The following PDE10A variants were observed in gnomAD, a reference collection of about 807,000 sequenced individuals.
PDE10A encodes cAMP and cAMP-inhibited cGMP 3',5'-cyclic phosphodiesterase 10A.
A neutral mutation model predicts 97.7 loss-of-function variants in PDE10A; 39 were observed. The ratio of observed to expected loss-of-function variants is 0.40; its 90% CI spans 0.31 to 0.52. PDE10A has a LOEUF of 0.52. Ranked by LOEUF, PDE10A falls within the 20% of genes least tolerant of loss-of-function variation. PDE10A has a pLI of 0.56. For synonymous variants in PDE10A, 371 were observed against 376.8 expected (o/e 0.98, Z 0.18); for missense variants, 731 against 1,047.8 (o/e 0.70, Z 4.17).
At chr6:165,650,398 A>G (rs1789619841) in intron 1 of PDE10A, among the ~76,000 whole-genome samples, 1 of 152,154 alleles carries the variant, frequency 6.6e-6, no homozygotes, top group East Asian at 1.9e-4. Flanking sequence ...CCGCCCAGCA[A>G]GTGTTACATA....
At chr6:165,336,325 A>G (rs1781644863) in intron 20 of PDE10A, 114 bp from the exon 21 acceptor site, 1 of 717,528 alleles carries the variant, frequency 1.4e-6, no homozygotes, top group African/African-American at 1.8e-5. Context: ...ATAAAATTGC[A>G]TGTTCTAGTT....
chr6:165,920,476 T>C (rs1782723460), intron 1 of PDE10A, among the ~76,000 whole-genome samples: 1 of 152,084 alleles, frequency 6.6e-6, no homozygotes, highest in South Asian at 2.1e-4. Flanking sequence ...AATGAGACCA[T>C]TGGTCTTATA....
intron 1 of PDE10A, among the ~76,000 whole-genome samples, chr6:165,669,359 C>T (rs1460085672): frequency 2.6e-5 from 4 of 152,068 alleles, no homozygotes; most frequent in African/African-American, 9.7e-5. Flanking sequence ...TTATTTGGCT[C>T]AGAAATTGGG....
In PDE10A at chr6:165,432,225, CAGA is replaced by C. The variant is rs199588143; in HGVS notation, c.1491+746_1491+748del. Among the ~76,000 whole-genome samples, 47 of 152,146 alleles carry C rather than the reference CAGA, an allele frequency of 3.1e-4. No homozygotes were observed. The East Asian group carries it at 7.5e-3, about 24-fold the overall frequency. ...AGTGACAGGTGCTATAGAGAAAAAG[CAGA>C]AGAAGAGAGAAAGAAACATTGGATA... On this transcript the variant is annotated intron_variant, in intron 7 of 21. Coordinates refer to ENST00000539869, the MANE Select transcript of PDE10A (RefSeq NM_001385079.1).
chr6:165,677,673 G>A (rs1053036590), intron 1 of PDE10A, among the ~76,000 whole-genome samples: 13 of 152,170 alleles, frequency 8.5e-5, no homozygotes, highest in African/African-American at 2.4e-4. Flanking sequence ...GGACTTGAAC[G>A]TCGGTGGACT....
intron 2 of PDE10A, among the ~76,000 whole-genome samples, chr6:165,522,010 C>A (rs1403773006): frequency 6.6e-6 from 1 of 152,204 alleles, no homozygotes; most frequent in African/African-American, 2.4e-5. Context: ...GAACTTTCTT[C>A]TTTTGTAAGG....
chr6:165,615,864 G>T (rs896661753), intron 1 of PDE10A, among the ~76,000 whole-genome samples: 14 of 152,118 alleles, frequency 9.2e-5, no homozygotes, highest in Admixed American at 2.6e-4. Context: ...CTAACCTCAT[G>T]TTCTGATTGG....
chr6:165,864,638 C>T (rs1780990233), intron 1 of PDE10A, among the ~76,000 whole-genome samples: 3 of 152,126 alleles, frequency 2.0e-5, no homozygotes. Flanking sequence ...CCCTCTTCAC[C>T]TTCCTCGAAA....
At chr6:165,518,861 T>C (rs1192225080) in intron 2 of PDE10A, among the ~76,000 whole-genome samples, 1 of 152,160 alleles carries the variant, frequency 6.6e-6, no homozygotes, top group Non-Finnish European at 1.5e-5. Context: ...GGCATTAACA[T>C]GTAAGGGTGG....
At chr6:165,346,375 T>C (rs906615412) in intron 18 of PDE10A, among the ~76,000 whole-genome samples, 6 of 151,892 alleles carry the variant, frequency 4.0e-5, no homozygotes, top group African/African-American at 1.5e-4. Flanking sequence ...CCCATAAGAG[T>C]TATAAAGACA....
chr6:165,780,559 C>G (rs1778315954), intron 1 of PDE10A: 1 of 152,274 alleles, frequency 6.6e-6, no homozygotes, highest in South Asian at 2.1e-4. Flanking sequence ...ACCTGACAAG[C>G]CTGGAAGGCA....
chr6:165,942,475 G>A (rs753788965), intron 1 of PDE10A, among the ~76,000 whole-genome samples: 27 of 152,076 alleles, frequency 1.8e-4, no homozygotes, highest in African/African-American at 6.3e-4. Flanking sequence ...GGAGGCTGTC[G>A]AGGGAGATGT....
At chr6:165,526,655 G>T (rs1218677172) in intron 2 of PDE10A, among the ~76,000 whole-genome samples, 3 of 152,166 alleles carry the variant, frequency 2.0e-5, no homozygotes, top group Non-Finnish European at 4.4e-5. Context: ...AATGACAGTG[G>T]ATTATCGTAA....
At chr6:165,630,693 T>G (rs1007586175) in intron 1 of PDE10A, among the ~76,000 whole-genome samples, 1 of 152,152 alleles carries the variant, frequency 6.6e-6, no homozygotes, top group Non-Finnish European at 1.5e-5. Context: ...ATTTGCACTG[T>G]AAATTCTTGG....
At chr6:165,503,361 C>T (rs1318371754) in intron 2 of PDE10A, among the ~76,000 whole-genome samples, 1 of 152,176 alleles carries the variant, frequency 6.6e-6, no homozygotes. Context: ...TGGAAGAATG[C>T]AGCGGGCTGG....
chr6:165,839,011 T>C (rs1388458337), intron 1 of PDE10A, among the ~76,000 whole-genome samples: 1 of 152,244 alleles, frequency 6.6e-6, no homozygotes, highest in Non-Finnish European at 1.5e-5. Flanking sequence ...TATATGACAT[T>C]TGTGGCTGTC....
chr6:165,697,586 T>C (rs886673402), intron 1 of PDE10A, among the ~76,000 whole-genome samples: 13 of 152,176 alleles, frequency 8.5e-5, no homozygotes, highest in African/African-American at 2.7e-4. Context: ...TTGAAGACCT[T>C]GTGTTAAATG....
intron 1 of PDE10A, among the ~76,000 whole-genome samples, chr6:165,680,416 A>G (rs566988989): frequency 2.6e-5 from 4 of 152,348 alleles, no homozygotes; most frequent in African/African-American, 9.6e-5. Context: ...TCCAGCTACA[A>G]TCGGAGGTAC....
intron 1 of PDE10A, among the ~76,000 whole-genome samples, chr6:165,687,216 C>G (rs550171444): frequency 1.2e-3 from 185 of 152,372 alleles, no homozygotes; most frequent in African/African-American, 4.0e-3. Context: ...GTCACCACCA[C>G]AGCCGCTGGC....
Sources: gnomAD v4.1 joint callset for allele counts (sites outside exome capture counted in the v4.1 genomes callset) on GRCh38, gnomAD v4.1.1 for gene constraint, MANE v1.5 for transcripts, NCBI Gene and HGNC (gene_info 2026-07-23, HGNC 2026-07-21) for gene names.